Variants in TBC1D14 observed in about 807,000 individuals in gnomAD.
TBC1D14 encodes TBC1 domain family member 14.
A neutral mutation model predicts 79.0 loss-of-function variants in TBC1D14; 26 were observed. The ratio of observed to expected loss-of-function variants is 0.33; its 90% confidence interval spans 0.24 to 0.46. The LOEUF (loss-of-function observed/expected upper bound fraction) is 0.46. Ranked by LOEUF, TBC1D14 falls within the 20% of genes least tolerant of loss-of-function variation. TBC1D14 has a pLI of 1.00. For missense variants in TBC1D14, 769 were observed against 887.6 expected (o/e 0.87, Z 1.70); for synonymous variants, 394 against 349.9 (o/e 1.13, Z -1.40).
chr4:6,916,314 G>A (rs970350355), intron 1 of TBC1D14, among the ~76,000 whole-genome samples: 14 of 152,248 alleles, frequency 9.2e-5, no homozygotes, highest in Non-Finnish European at 1.6e-4. Context: ...GGGACAGGGA[G>A]TGCTTCGTGC....
At chr4:6,931,271 G>A (rs1284687629) in intron 2 of TBC1D14, among the ~76,000 whole-genome samples, 4 of 152,196 alleles carry the variant, frequency 2.6e-5, no homozygotes. Context: ...GTGTGTTTTT[G>A]TACCAGGTGG....
chr4:7,027,378 A>AC (rs374620904), intron 13 of TBC1D14, among the ~76,000 whole-genome samples: 16 of 113,774 alleles, frequency 1.4e-4, no homozygotes, highest in Non-Finnish European at 1.1e-4. Flanking sequence ...ACATCCATTC[A>AC]CCCCCCATCT....
chr4:6,953,523 C>G (rs1207595482), intron 2 of TBC1D14, among the ~76,000 whole-genome samples: 11 of 136,680 alleles, frequency 8.0e-5, no homozygotes, highest in African/African-American at 2.6e-4. Flanking sequence ...CCCAGCTACT[C>G]GGGAGGCTGA....
At chr4:7,024,810 G>A (rs562851128) in intron 12 of TBC1D14, among the ~76,000 whole-genome samples, 194 bp from the exon 13 acceptor site, 2 of 152,308 alleles carry the variant, frequency 1.3e-5, no homozygotes, top group Admixed American at 1.3e-4. Flanking sequence ...ATGATTCTGT[G>A]CGGAAGCTGA....
intron 12 of TBC1D14, among the ~76,000 whole-genome samples, chr4:7,023,434 T>C (rs139251296): frequency 6.6e-6 from 1 of 152,332 alleles, no homozygotes; most frequent in Non-Finnish European, 1.5e-5. Flanking sequence ...TTAACAAGCA[T>C]GCTCTCCAGG....
At chr4:6,998,978 C>T (rs1719374885) in intron 5 of TBC1D14, 107 bp from the exon 6 acceptor site, 1 of 987,616 alleles carries the variant, frequency 1.0e-6, no homozygotes, top group Non-Finnish European at 1.6e-6. Context: ...CGCTCTGCTT[C>T]AGGGCGGTTT....
chr4:6,947,736 T>C (rs901872680), intron 2 of TBC1D14, among the ~76,000 whole-genome samples: 5 of 151,422 alleles, frequency 3.3e-5, no homozygotes, highest in Non-Finnish European at 7.4e-5. Context: ...TGTATTTAAA[T>C]ATTAGAGAGT....
At chr4:6,942,940 G>T (rs1191794606) in intron 2 of TBC1D14, among the ~76,000 whole-genome samples, 1 of 152,128 alleles carries the variant, frequency 6.6e-6, no homozygotes, top group Non-Finnish European at 1.5e-5. Flanking sequence ...AAAATTCCTG[G>T]GACAAATACA....
chr4:6,961,646 A>G (rs113752730), intron 2 of TBC1D14, among the ~76,000 whole-genome samples: 238 of 152,280 alleles, frequency 1.6e-3, no homozygotes, highest in African/African-American at 5.2e-3. Flanking sequence ...AAACAGGTGC[A>G]AGTCCTTGGC....
chr4:7,022,342 A>G (rs979792493), intron 12 of TBC1D14, among the ~76,000 whole-genome samples: 4 of 152,352 alleles, frequency 2.6e-5, no homozygotes, highest in African/African-American at 9.6e-5. Flanking sequence ...CAAAAGATGC[A>G]GGATGGTATG....
intron 11 of TBC1D14, among the ~76,000 whole-genome samples, chr4:7,013,795 G>C (rs1240184603): frequency 1.3e-5 from 2 of 150,932 alleles, no homozygotes; most frequent in South Asian, 2.1e-4. Context: ...CCAGGCTGGA[G>C]TGCAGTGGCG....
chr4:7,021,501 C>G (rs1048502377), intron 12 of TBC1D14, among the ~76,000 whole-genome samples: 4 of 151,990 alleles, frequency 2.6e-5, no homozygotes, highest in African/African-American at 9.7e-5. Flanking sequence ...GGAGGCTGAG[C>G]TAGGAGGGTC....
intron 11 of TBC1D14, 34 bp downstream of exon 11, chr4:7,010,815 G>A (rs775555464): frequency 1.9e-6 from 3 of 1,597,908 alleles, no homozygotes; most frequent in Non-Finnish European, 2.6e-6. Flanking sequence ...CCTGGGTACT[G>A]TGTCTTTAAA....
rs567087237 is a variant in TBC1D14, at chr4:6,983,029, A to AT, written c.844-11144dup. Among the ~76,000 whole-genome samples, 45 of 149,202 alleles carry AT rather than the reference A, an allele frequency of 3.0e-4. 1 individual carries two copies. The highest frequency in any genetic ancestry group is 1.5e-3 in the South Asian group (7 of 4,728). ...TCTGTGTACATGTCTACTTAAAAGA[A>AT]TTTTTTTTTTTGAGACAAAGTCTTG... is the stretch of plus-strand genomic sequence containing the variant. On this transcript the variant is annotated intron_variant, in intron 3 of 13. Transcript: ENST00000409757.
chr4:6,991,372 AC>A (rs1196314322), intron 3 of TBC1D14, among the ~76,000 whole-genome samples: 1 of 152,114 alleles, frequency 6.6e-6, no homozygotes, highest in East Asian at 1.9e-4. Flanking sequence ...GTGGCCTGTG[AC>A]CCAGCTTCCC....
chr4:6,932,789 C>T (rs1488468191), intron 2 of TBC1D14, among the ~76,000 whole-genome samples: 1 of 152,070 alleles, frequency 6.6e-6, no homozygotes, highest in Non-Finnish European at 1.5e-5. Context: ...GGCTCTACTG[C>T]AGAATTTTGA....
chr4:6,965,819 T>G (rs2109044647), intron 2 of TBC1D14, among the ~76,000 whole-genome samples: 1 of 152,324 alleles, frequency 6.6e-6, no homozygotes, highest in Non-Finnish European at 1.5e-5. Flanking sequence ...TCCTCGCTGG[T>G]GATGTTAGCT....
intron 2 of TBC1D14, among the ~76,000 whole-genome samples, chr4:6,948,557 G>A (rs529420859): frequency 3.1e-4 from 46 of 148,280 alleles, no homozygotes; most frequent in African/African-American, 9.4e-4. Flanking sequence ...TGTCACTGGC[G>A]TGTGCGTGCC....
At chr4:6,994,100 C>A in intron 3 of TBC1D14, 84 bp from the exon 4 acceptor site, 1 of 1,226,942 alleles carries the variant, frequency 8.2e-7, no homozygotes, top group Non-Finnish European at 1.2e-6. Flanking sequence ...AAAAGAGTTT[C>A]ATGACAAAAC....
Sources: gnomAD v4.1 joint callset for allele counts (sites outside exome capture counted in the v4.1 genomes callset) on GRCh38, gnomAD v4.1.1 for gene constraint, MANE v1.5 for transcripts, NCBI Gene and HGNC (gene_info 2026-07-23, HGNC 2026-07-21) for gene names.